UPK1B: variants seen among roughly 807,000 people sequenced by gnomAD.
The protein encoded by UPK1B is uroplakin 1B.
A neutral mutation model predicts 34.2 loss-of-function variants in UPK1B; 28 were observed. That is an observed-to-expected ratio of 0.82 (90% CI 0.61 to 1.12). The LOEUF (loss-of-function observed/expected upper bound fraction) is 1.12. UPK1B is among the 50% of genes most tolerant of loss of function. The pLI is 0.00. For missense variants in UPK1B, 325 were observed against 320.9 expected (o/e 1.01, Z -0.10); for synonymous variants, 81 against 110.4 (o/e 0.73, Z 1.67).
rs764235214 is a variant in UPK1B at position 119,191,076 on chromosome 3, C to G, written c.440C>G (p.Thr147Ser). The G allele has an allele frequency of 6.2e-7, 1 of 1,613,892 alleles. No individual in the cohort carries two copies. Among genetic ancestry groups the G allele is most frequent in the Non-Finnish European group, 8.5e-7 (1 of 1,179,928 alleles). ...NDDQWKNNGV[T>S]KTWDRLMLQD... The stretch of plus-strand genomic sequence containing the variant: ...GACCAGTGGAAAAACAATGGAGTCA[C>G]CAAAACCTGGGACAGGCTCATGCTC... The change falls in exon 5 of 8, where the codon ACC (threonine) becomes AGC (serine). Residue 147 changes from threonine (T) to serine (S), a missense_variant. Physicochemically the swap from Thr to Ser is moderately conservative, Grantham distance 58. Transcript: ENST00000264234.
chr3:119,195,190 C>A (rs1008873939), intron 6 of UPK1B, among the ~76,000 whole-genome samples: 1 of 151,950 alleles, frequency 6.6e-6, no homozygotes, highest in African/African-American at 2.4e-5. Context: ...TGCCTTCAAG[C>A]ACAGACTCTA....
intron 7 of UPK1B, among the ~76,000 whole-genome samples, chr3:119,203,273 G>A (rs1045627413): frequency 8.1e-5 from 12 of 147,358 alleles, no homozygotes; most frequent in Non-Finnish European, 1.0e-4. Flanking sequence ...CCCGGGAGGC[G>A]GAGCTTGCAG....
Position 119,179,507 on chromosome 3 carries a change from CTTT to C in UPK1B, c.-29+5887_-29+5889del, listed in dbSNP as rs71297415. 1.7e-4 allele frequency among the ~76,000 whole-genome samples: 9 copies of C among 52,256 alleles called. 3 individuals are homozygous for C. Among genetic ancestry groups the C allele is most frequent in the African/African-American group, 5.6e-4 (8 of 14,260 alleles). The allele number at this position is 52,256 out of a possible 152,430, so 34.3% of individuals were successfully genotyped here. ...TTTGGGGAAGAGTTGATGTTGCAGTCTTTTTTTTTTTTTTTTTTTTGAGACGGA... is the reference window on the plus strand; with the variant it reads ...TTTGGGGAAGAGTTGATGTTGCAGTCTTTTTTTTTTTTTTTTTGAGACGGA... On this transcript the variant is annotated intron_variant, in intron 1 of 7. Coordinates refer to ENST00000264234, the MANE Select transcript of UPK1B (RefSeq NM_006952.4).
At chr3:119,188,650 C>T (rs1559902157) in intron 3 of UPK1B, among the ~76,000 whole-genome samples, 1 of 152,336 alleles carries the variant, frequency 6.6e-6, no homozygotes, top group East Asian at 1.9e-4. Context: ...AAGACCATGC[C>T]CTGCCTTTGC....
chr3:119,190,209 A>G, intron 3 of UPK1B, 36 bp from the exon 4 acceptor site: 1 of 1,496,312 alleles, frequency 6.7e-7, no homozygotes, highest in Non-Finnish European at 9.2e-7. Context: ...TTGACGGGTA[A>G]ATGTAATTCT....
At chr3:119,175,796 C>T (rs2077954307) in intron 1 of UPK1B, among the ~76,000 whole-genome samples, 1 of 152,106 alleles carries the variant, frequency 6.6e-6, no homozygotes, top group Non-Finnish European at 1.5e-5. Context: ...CTAGGGAGTG[C>T]TTGAGATGTG....
rs1210653411 is a variant in UPK1B at position 119,179,671 on chromosome 3, G to A, written c.-29+6033G>A. 4.3e-4 allele frequency among the ~76,000 whole-genome samples: 30 copies of A among 70,368 alleles called. No homozygotes were observed. In the South Asian group the frequency reaches 0.012, roughly 27 times the overall value. The allele number at this position is 70,368 out of a possible 152,430, so 46.2% of individuals were successfully genotyped here. ...ACTACAGGCGCCTGCCACCACGCCC[G>A]GCTAACTTTGTATTTTTGGTAGAGT... On this transcript the variant is annotated intron_variant, in intron 1 of 7. Coordinates refer to ENST00000264234, the MANE Select transcript of UPK1B (RefSeq NM_006952.4).
In UPK1B at chr3:119,194,274, T is replaced by C; in HGVS notation, c.524T>C (p.Phe175Ser). Residue 175 changes from phenylalanine to serine, a missense_variant, in exon 6 of 8, where the codon TTC (phenylalanine) becomes TCC (serine). Coordinates refer to ENST00000264234, the MANE Select transcript of UPK1B (RefSeq NM_006952.4). ...GACTGGCAAAAATACACATCTGCCT[T>C]CCGGACTGAGAATAATGATGCTGAC... ...PSDWQKYTSA[F>S]RTENNDADYP... The C allele has an allele frequency of 6.2e-7, 1 of 1,614,064 alleles. No individual in the cohort carries two copies. Among genetic ancestry groups the C allele is most frequent in the Non-Finnish European group, 8.5e-7 (1 of 1,179,926 alleles).
At chr3:119,196,509 G>A (rs556545062) in intron 6 of UPK1B, among the ~76,000 whole-genome samples, 315 of 150,816 alleles carry the variant, frequency 2.1e-3, no homozygotes, top group African/African-American at 7.2e-3. Context: ...GAATAAAGAA[G>A]TGAATAGTGA....
chr3:119,175,945 G>C (rs993113368), intron 1 of UPK1B: 2 of 152,236 alleles, frequency 1.3e-5, no homozygotes, highest in Non-Finnish European at 1.5e-5. Flanking sequence ...TATGGGCACT[G>C]TGAGCCATGG....
At chr3:119,200,618 T>C (rs549695656) in intron 7 of UPK1B, among the ~76,000 whole-genome samples, 1 of 152,386 alleles carries the variant, frequency 6.6e-6, no homozygotes, top group East Asian at 1.9e-4. Flanking sequence ...TATTGCCACA[T>C]GGAAAATACC....
chr3:119,198,072 G>T (rs2078074429), intron 6 of UPK1B, among the ~76,000 whole-genome samples: 1 of 152,070 alleles, frequency 6.6e-6, no homozygotes, highest in African/African-American at 2.4e-5. Flanking sequence ...TAGATTTTTT[G>T]TGGCTGGAGT....
chr3:119,182,947 T>C (rs1002344938), intron 1 of UPK1B, among the ~76,000 whole-genome samples: 1 of 152,194 alleles, frequency 6.6e-6, no homozygotes, highest in Non-Finnish European at 1.5e-5. Context: ...GGTACAGCAC[T>C]GAGTTTGGGG....
At chr3:119,196,715 T>A (rs11709534) in intron 6 of UPK1B, among the ~76,000 whole-genome samples, 53,202 of 151,478 alleles carry the variant, frequency 0.35, 10,258 homozygotes, top group Non-Finnish European at 0.41. Flanking sequence ...AATTTTTGTA[T>A]TTTTAGTAGA....
At chr3:119,174,892 ATTT>A (rs5852188) in intron 1 of UPK1B, among the ~76,000 whole-genome samples, 1 of 139,450 alleles carries the variant, frequency 7.2e-6, no homozygotes, top group Non-Finnish European at 1.5e-5. Context: ...CAACTCACCT[ATTT>A]TTTTTTTTTT....
At chr3:119,188,106 A>T in intron 3 of UPK1B, 131 bp downstream of exon 3, 2 of 955,672 alleles carry the variant, frequency 2.1e-6, no homozygotes, top group Non-Finnish European at 3.2e-6. Context: ...GGAGGGGAAG[A>T]CTTTCCCTGC....
At chr3:119,176,096 T>C (rs1202735800) in intron 1 of UPK1B, 1 of 152,242 alleles carries the variant, frequency 6.6e-6, no homozygotes, top group Non-Finnish European at 1.5e-5. Flanking sequence ...TCTGTTCTTG[T>C]GCTGAGTTTC....
intron 1 of UPK1B, among the ~76,000 whole-genome samples, chr3:119,176,705 C>T (rs1189315911): frequency 1.3e-5 from 2 of 152,178 alleles, no homozygotes; most frequent in Non-Finnish European, 2.9e-5. Context: ...TGCCTTCCAC[C>T]GCTTTCCACT....
intron 1 of UPK1B, among the ~76,000 whole-genome samples, chr3:119,175,012 C>T (rs796517394): frequency 1.5e-3 from 103 of 67,374 alleles, no homozygotes; most frequent in African/African-American, 3.1e-3. Flanking sequence ...CTTTTATTTT[C>T]TTTTTTTTTT....
Sources: gnomAD v4.1 joint callset for allele counts (sites outside exome capture counted in the v4.1 genomes callset) on GRCh38, gnomAD v4.1.1 for gene constraint, MANE v1.5 for transcripts, NCBI Gene and HGNC (gene_info 2026-07-23, HGNC 2026-07-21) for gene names.